The following KCND2 variants were observed in gnomAD, a reference collection of about 807,000 sequenced individuals.
The protein encoded by KCND2 is potassium voltage-gated channel subfamily D member 2, also known as A-type voltage-gated potassium channel KCND2.
In KCND2, 16 loss-of-function variants were observed where a neutral mutation model predicts 54.4. The observed-to-expected ratio is 0.29, with a 90% CI of 0.20 to 0.45. The LOEUF (loss-of-function observed/expected upper bound fraction) is 0.45. Ranked by LOEUF, KCND2 falls within the 20% of genes least tolerant of loss-of-function variation. The probability of loss-of-function intolerance (pLI) is 1.00; values close to 1 mark genes in which losing one functional copy is unlikely to be tolerated. For synonymous variants in KCND2, 317 were observed against 310.7 expected, an observed-to-expected ratio of 1.02 and a Z score of -0.21; for missense variants, 486 against 824.2, an observed-to-expected ratio of 0.59 and a Z score of 5.02.
intron 1 of KCND2, among the ~76,000 whole-genome samples, chr7:120,709,996 G>A (rs184467074): frequency 2.6e-5 from 4 of 152,268 alleles, no homozygotes; most frequent in African/African-American, 9.6e-5. Context: ...TTTCCAGACA[G>A]CAACAGCAGA....
intron 1 of KCND2, among the ~76,000 whole-genome samples, chr7:120,605,586 GA>G (rs1285956095): frequency 1.3e-5 from 2 of 152,052 alleles, no homozygotes; most frequent in Non-Finnish European, 2.9e-5. Context: ...TATTATCTAG[GA>G]GTGGAACTGA....
chr7:120,657,210 T>A lies in KCND2; in HGVS notation c.1116-75693T>A, dbSNP rs572086455. 3.3e-5 allele frequency among the ~76,000 whole-genome samples: 5 copies of A among 152,316 alleles called. No individual in the cohort carries two copies. The East Asian group carries it at 9.6e-4, about 29-fold the overall frequency. ...TTCCTTGCATTCACACTGCAAATTCTGGGATGATTGTTCATTTCCAATAAA... is the reference window on the plus strand; with the variant it reads ...TTCCTTGCATTCACACTGCAAATTCAGGGATGATTGTTCATTTCCAATAAA... On this transcript the variant is annotated intron_variant, in intron 1 of 5. Coordinates refer to ENST00000331113, the MANE Select transcript of KCND2 (RefSeq NM_012281.3).
chr7:120,721,973 C>G (rs1158104076), intron 1 of KCND2, among the ~76,000 whole-genome samples: 1 of 152,180 alleles, frequency 6.6e-6, no homozygotes, highest in Non-Finnish European at 1.5e-5. Flanking sequence ...TTCACTTGGC[C>G]GTCACTCTCC....
Position 120,364,180 on chromosome 7 carries a change from T to C in KCND2, c.1115+88433T>C, listed in dbSNP as rs1800634887. ...TACTTTCACAATTTCTAATCTCATCTTCATGTATCTGGTTTATGAATTTAA... is the reference window on the plus strand; with the variant it reads ...TACTTTCACAATTTCTAATCTCATCCTCATGTATCTGGTTTATGAATTTAA... On this transcript the variant is annotated intron_variant, in intron 1 of 5. Coordinates refer to ENST00000331113, the MANE Select transcript of KCND2 (RefSeq NM_012281.3). 2.0e-5 allele frequency among the ~76,000 whole-genome samples: 3 copies of C among 152,320 alleles called. No individual in the cohort carries two copies. In the South Asian group the frequency reaches 6.2e-4, roughly 32 times the overall value.
At chr7:120,674,727 C>T (rs1336364375) in intron 1 of KCND2, among the ~76,000 whole-genome samples, 2 of 152,202 alleles carry the variant, frequency 1.3e-5, no homozygotes, top group Non-Finnish European at 2.9e-5. Flanking sequence ...TCTGCAGTTT[C>T]ACAAACATCT....
intron 1 of KCND2, among the ~76,000 whole-genome samples, chr7:120,366,950 C>T (rs1800693372): frequency 6.6e-6 from 1 of 152,076 alleles, no homozygotes; most frequent in Non-Finnish European, 1.5e-5. Context: ...CCCTTCTTTA[C>T]TTCCTAGAAT....
intron 1 of KCND2, among the ~76,000 whole-genome samples, chr7:120,507,618 A>G (rs1803046436): frequency 6.6e-6 from 1 of 151,924 alleles, no homozygotes; most frequent in Non-Finnish European, 1.5e-5. Context: ...CAACTATCTT[A>G]GAATATGAGG....
chr7:120,687,868 A>T (rs1326959573), intron 1 of KCND2, among the ~76,000 whole-genome samples: 2 of 152,206 alleles, frequency 1.3e-5, no homozygotes, highest in Non-Finnish European at 2.9e-5. Flanking sequence ...TGTAAAACAG[A>T]CCCTTCTTTC....
At chr7:120,348,169 G>T (rs573567789) in intron 1 of KCND2, among the ~76,000 whole-genome samples, 3 of 152,134 alleles carry the variant, frequency 2.0e-5, no homozygotes, top group Non-Finnish European at 4.4e-5. Context: ...CATCAGATAC[G>T]CTATAATGCT....
chr7:120,631,144 G>C lies in KCND2; in HGVS notation c.1116-101759G>C, dbSNP rs73219406. ...GCATTCACGTGGCATTAAATTGAATGTAAGGTCTTATAAAATAATACTGTT... is the reference window on the plus strand; with the variant it reads ...GCATTCACGTGGCATTAAATTGAATCTAAGGTCTTATAAAATAATACTGTT... On this transcript the variant is annotated intron_variant, in intron 1 of 5. Coordinates refer to ENST00000331113, the MANE Select transcript of KCND2 (RefSeq NM_012281.3). Among the ~76,000 whole-genome samples, 1,194 of 152,166 alleles carry C rather than the reference G, an allele frequency of 7.8e-3. 9 individuals carry two copies. The highest frequency in any genetic ancestry group is 0.023 in the Admixed American group (354 of 15,286).
chr7:120,702,707 C>T (rs1341077075), intron 1 of KCND2, among the ~76,000 whole-genome samples: 3 of 152,074 alleles, frequency 2.0e-5, no homozygotes, highest in Admixed American at 1.3e-4. Context: ...CACATGTTCT[C>T]ACTTATAAGC....
chr7:120,725,032 C>G (rs1007226561), intron 1 of KCND2, among the ~76,000 whole-genome samples: 1 of 152,068 alleles, frequency 6.6e-6, no homozygotes. Context: ...ACCTTTAAAG[C>G]CTTGCCATAA....
At chr7:120,731,040 T>G (rs1417298937) in intron 1 of KCND2, among the ~76,000 whole-genome samples, 2 of 152,122 alleles carry the variant, frequency 1.3e-5, no homozygotes, top group Non-Finnish European at 2.9e-5. Flanking sequence ...CAGACACAGC[T>G]GGGTAACTTC....
chr7:120,703,039 T>G (rs945831553), intron 1 of KCND2, among the ~76,000 whole-genome samples: 7 of 152,178 alleles, frequency 4.6e-5, no homozygotes, highest in African/African-American at 1.7e-4. Context: ...CTGGAAGCAA[T>G]AGAAAATAGC....
At chr7:120,469,142 A>G (rs1225959401) in intron 1 of KCND2, among the ~76,000 whole-genome samples, 1 of 152,112 alleles carries the variant, frequency 6.6e-6, no homozygotes, top group African/African-American at 2.4e-5. Flanking sequence ...TATGCATTTT[A>G]TTGGTATAAA....
chr7:120,652,354 G>A (rs1185135174), intron 1 of KCND2, among the ~76,000 whole-genome samples: 1 of 152,142 alleles, frequency 6.6e-6, no homozygotes, highest in Non-Finnish European at 1.5e-5. Context: ...GATTACAGGT[G>A]TGAGCAACTG....
chr7:120,654,731 A>G (rs1791779510), intron 1 of KCND2, among the ~76,000 whole-genome samples: 1 of 152,130 alleles, frequency 6.6e-6, no homozygotes, highest in South Asian at 2.1e-4. Context: ...GCAAATCAGT[A>G]AAGTGCTACA....
chr7:120,505,131 T>C (rs1403074018), intron 1 of KCND2, among the ~76,000 whole-genome samples: 1 of 151,812 alleles, frequency 6.6e-6, no homozygotes, highest in East Asian at 1.9e-4. Flanking sequence ...CTAGCTACCA[T>C]TGAATAATGT....
chr7:120,341,165 G>T (rs1800234728), intron 1 of KCND2, among the ~76,000 whole-genome samples: 1 of 152,114 alleles, frequency 6.6e-6, no homozygotes, highest in African/African-American at 2.4e-5. Context: ...AATTTTATCA[G>T]TGGAAAAAGA....
Sources: gnomAD v4.1 joint callset for allele counts (sites outside exome capture counted in the v4.1 genomes callset) on GRCh38, gnomAD v4.1.1 for gene constraint, MANE v1.5 for transcripts, NCBI Gene and HGNC (gene_info 2026-07-23, HGNC 2026-07-21) for gene names.